ATR: variants seen among roughly 807,000 people sequenced by gnomAD.
ATR encodes the protein ATR checkpoint kinase.
Under a neutral mutation model 305.3 loss-of-function variants are expected in ATR, and 142 were observed. That is an observed-to-expected ratio of 0.47 (90% CI 0.41 to 0.53). The LOEUF is 0.53. Among genes scored for constraint, ATR ranks in the 20% least tolerant of loss-of-function variants. The probability of loss-of-function intolerance (pLI) is 0.00; values close to 1 mark genes in which losing one functional copy is unlikely to be tolerated. For missense variants in ATR, 2,135 were observed against 3,133.1 expected (o/e 0.68, Z 7.60); for synonymous variants, 1,050 against 1,068.1 (o/e 0.98, Z 0.33).
intron 40 of ATR, among the ~76,000 whole-genome samples, chr3:142,466,023 A>AG (rs2071121263): frequency 6.6e-6 from 1 of 151,676 alleles, no homozygotes; most frequent in Admixed American, 6.6e-5. Context: ...AAAAAAAAAA[A>AG]AAGAAAAGAA....
At chr3:142,499,369 A>G (rs1314300028) in intron 31 of ATR, among the ~76,000 whole-genome samples, 1 of 150,798 alleles carries the variant, frequency 6.6e-6, no homozygotes. Flanking sequence ...ATCTCAGCTC[A>G]CTGCAACCTC....
In ATR at chr3:142,457,693, T is replaced by A; in HGVS notation, c.7566A>T (p.Gly2522=). 6.2e-7 allele frequency: 1 copy of A among 1,614,044 alleles called. No individual in the cohort carries two copies. The highest frequency in any genetic ancestry group is 8.5e-7 in the Non-Finnish European group (1 of 1,179,978). ...GACCCTCTGTTCCCATAGGACCCAT[T>A]CCATTAACCATATTATGAGTCAGGC... ...PFRLTHNMVN[G]MGPMGTEGLF... Residue 2522 remains glycine (G), a synonymous_variant, in exon 45 of 47, where the codon GGA becomes GGT. Coordinates refer to ENST00000350721, the MANE Select transcript of ATR (RefSeq NM_001184.4).
chr3:142,451,232 C>T (rs2070783400), intron 46 of ATR: 2 of 1,191,166 alleles, frequency 1.7e-6, no homozygotes, highest in Non-Finnish European at 1.1e-6. Flanking sequence ...CATCCAGATG[C>T]AGGTGTGCAA....
Position 142,562,489 on chromosome 3 carries a change from A to C in ATR, c.913T>G (p.Phe305Val). 3 of 1,614,150 alleles carry C rather than the reference A, an allele frequency of 1.9e-6. No homozygotes were observed. The highest frequency in any genetic ancestry group is 2.5e-6 in the Non-Finnish European group (3 of 1,179,986). Reference protein sequence around the residue: ...LSKLIKTLFPFEAEAYRNIEP... With the variant: ...LSKLIKTLFPVEAEAYRNIEP... ...ATATTTCTATAAGCTTCTGCTTCAAAGGGAAATAGTGTCTTTATCAGCTTT... is the reference window on the plus strand; with the variant it reads ...ATATTTCTATAAGCTTCTGCTTCAACGGGAAATAGTGTCTTTATCAGCTTT... Residue 305 changes from phenylalanine to valine, a missense_variant, in exon 4 of 47, where the codon TTT (phenylalanine) becomes GTT (valine). Transcript: ENST00000350721.
chr3:142,564,248 A>G (rs2034984423), intron 3 of ATR, among the ~76,000 whole-genome samples: 1 of 152,204 alleles, frequency 6.6e-6, no homozygotes, highest in South Asian at 2.1e-4. Flanking sequence ...TTATTGCAAT[A>G]TTCACTTTAT....
chr3:142,544,621 C>CAAAA lies in ATR; in HGVS notation c.3358-1868_3358-1865dup, dbSNP rs71153972. Among the ~76,000 whole-genome samples the CAAAA allele has an allele frequency of 6.5e-3, 545 of 83,558 alleles. 9 individuals are homozygous for CAAAA. Among genetic ancestry groups the CAAAA allele is most frequent in the African/African-American group, 0.022 (495 of 22,592 alleles). 54.8% of individuals were successfully genotyped at this position (83,558 alleles called of 152,430 possible). A position where few individuals can be genotyped will look rare whatever the true frequency, so the allele number is the denominator to read the frequency against. On this transcript the variant is annotated intron_variant, in intron 16 of 46. Transcript: ENST00000350721. ...TTTATGTACAGGCAGAAGAAAGGAG[C>CAAAA]AAAAAAAAAAAAAAAAAAAAATGAG...
At chr3:142,503,633 T>C (rs1037705163) in intron 29 of ATR, among the ~76,000 whole-genome samples, 180 bp from the exon 30 acceptor site, 2 of 152,086 alleles carry the variant, frequency 1.3e-5, no homozygotes, top group African/African-American at 4.8e-5. Flanking sequence ...CCCAGGCTGG[T>C]CTCAAACTCC....
At chr3:142,565,206 T>C (rs116710705) in intron 3 of ATR, among the ~76,000 whole-genome samples, 20 of 151,982 alleles carry the variant, frequency 1.3e-4, no homozygotes, top group Admixed American at 5.2e-4. Flanking sequence ...CTATGATAGA[T>C]GAAATGCAGA....
chr3:142,572,056 G>T (rs892432741), intron 1 of ATR, among the ~76,000 whole-genome samples: 19 of 147,752 alleles, frequency 1.3e-4, no homozygotes, highest in Non-Finnish European at 2.1e-4. Context: ...GTGAGCCACC[G>T]CACCCGGCCC....
At chr3:142,452,031 A>C in intron 46 of ATR, 1 of 1,031,838 alleles carries the variant, frequency 9.7e-7, no homozygotes, top group Non-Finnish European at 1.2e-6. Flanking sequence ...AATTCTGGAA[A>C]TATTAATCTC....
At chr3:142,520,579 T>C (rs1208152345) in intron 23 of ATR, among the ~76,000 whole-genome samples, 2 of 152,298 alleles carry the variant, frequency 1.3e-5, no homozygotes, top group East Asian at 3.9e-4. Flanking sequence ...AAGATCAAAC[T>C]AGCCACAACA....
At chr3:142,451,922 A>G in intron 46 of ATR, 2 of 1,275,574 alleles carry the variant, frequency 1.6e-6, no homozygotes, top group South Asian at 2.7e-5. Flanking sequence ...CCTCAGTAAA[A>G]GGTATCCAGT....
At chr3:142,543,723 G>A (rs1266558345) in intron 16 of ATR, among the ~76,000 whole-genome samples, 1 of 151,582 alleles carries the variant, frequency 6.6e-6, no homozygotes, top group African/African-American at 2.4e-5. Flanking sequence ...AGGCTGAAGT[G>A]TAGTGGCACA....
At chr3:142,482,160 C>A (rs1195106456) in intron 36 of ATR, among the ~76,000 whole-genome samples, 1 of 151,986 alleles carries the variant, frequency 6.6e-6, no homozygotes, top group African/African-American at 2.4e-5. Flanking sequence ...CTATTATGTA[C>A]CATTATTTAA....
At chr3:142,533,416 GTA>G (rs1413314268) in intron 21 of ATR, among the ~76,000 whole-genome samples, 1 of 152,230 alleles carries the variant, frequency 6.6e-6, no homozygotes, top group African/African-American at 2.4e-5. Context: ...CTGCTGAAGA[GTA>G]TAGATATAGA....
rs369870460 is a variant in ATR at position 142,578,535 on chromosome 3, C to A, written c.59+111G>T. Reference sequence around the variant, plus strand: ...CGGAGCATCTCCACAAGGGCCGCAGCGGGGGCTTAGGGGATCCCAGCCATA... The same window carrying A: ...CGGAGCATCTCCACAAGGGCCGCAGAGGGGGCTTAGGGGATCCCAGCCATA... On this transcript the variant is annotated intron_variant, in intron 1 of 46. Transcript: ENST00000350721. The A allele has an allele frequency of 2.0e-5, 26 of 1,269,414 alleles. No homozygotes were observed. The African/African-American group carries it at 2.8e-4, about 14-fold the overall frequency. The allele number at this position is 1,269,414 out of a possible 1,614,324, so 78.6% of individuals were successfully genotyped here.
chr3:142,484,400 C>T (rs1382858216), intron 36 of ATR, among the ~76,000 whole-genome samples: 1 of 152,110 alleles, frequency 6.6e-6, no homozygotes, highest in African/African-American at 2.4e-5. Context: ...GAGGTGAACA[C>T]GTGGAGGCTG....
Position 142,462,036 on chromosome 3 carries a change from CATATGTTCGAAT to C in ATR, c.7084_7095del (p.Ile2362_Tyr2365del), listed in dbSNP as rs1369574369. On this transcript the variant is annotated inframe_deletion, in exon 42 of 47. Transcript: ENST00000350721. ...CATTCATCATTTAGTGGAATAACTGCATATGTTCGAATATGAAGTTCTCTTCTACGAGACTCT... is the reference window on the plus strand; with the variant it reads ...CATTCATCATTTAGTGGAATAACTGCATGAAGTTCTCTTCTACGAGACTCT... The C allele has an allele frequency of 6.2e-7, 1 of 1,613,224 alleles. No homozygotes were observed. Among genetic ancestry groups the C allele is most frequent in the Non-Finnish European group, 8.5e-7 (1 of 1,179,468 alleles).
chr3:142,468,397 C>T (rs189275224), intron 38 of ATR, among the ~76,000 whole-genome samples: 35 of 151,798 alleles, frequency 2.3e-4, no homozygotes, highest in Non-Finnish European at 4.0e-4. Flanking sequence ...TTATTGAAGG[C>T]TATTTTTTAG....
Sources: allele counts gnomAD v4.1 joint callset (sites outside exome capture counted in the v4.1 genomes callset), GRCh38; gene constraint gnomAD v4.1.1; transcripts MANE v1.5; gene names NCBI Gene and HGNC (gene_info 2026-07-23, HGNC 2026-07-21).